The following IFT74 variants were observed in gnomAD, a reference collection of about 807,000 sequenced individuals.
IFT74 encodes the protein intraflagellar transport protein 74 homolog.
IFT74 carries 92 observed loss-of-function variants against 96.7 expected under a neutral mutation model. That is an observed-to-expected ratio of 0.95 (90% CI 0.80 to 1.13). The LOEUF is 1.13. Among genes scored for constraint, IFT74 ranks in the 50% most tolerant of loss-of-function variants. IFT74 has a pLI of 0.00. For synonymous variants in IFT74, 223 were observed against 213.2 expected, an observed-to-expected ratio of 1.05 and a Z score of -0.40; for missense variants, 811 against 698.2, an observed-to-expected ratio of 1.16 and a Z score of -1.82.
intron 19 of IFT74, among the ~76,000 whole-genome samples, chr9:27,061,144 GGTGTGTGTGTGT>G (rs34615635): frequency 1.3e-5 from 2 of 149,878 alleles, no homozygotes; most frequent in Admixed American, 6.6e-5. Context: ...GTAGTTAAGA[GGTGTGTGTGTGT>G]GTGTGTGTGT....
intron 6 of IFT74, 152 bp downstream of exon 6, chr9:26,984,711 C>T: frequency 1.6e-6 from 1 of 608,142 alleles, no homozygotes; most frequent in Middle Eastern, 4.5e-4. Flanking sequence ...AGAAGCTCAT[C>T]ATCACTGATG....
chr9:27,046,067 T>C (rs917774381), intron 14 of IFT74, among the ~76,000 whole-genome samples: 6 of 152,202 alleles, frequency 3.9e-5, no homozygotes, highest in Admixed American at 1.3e-4. Context: ...AGCTCAGATT[T>C]CTTTCCACAT....
At chr9:27,047,414 C>G (rs76349155) in intron 15 of IFT74, 43 bp downstream of exon 15, 2 of 1,217,484 alleles carry the variant, frequency 1.6e-6, no homozygotes, top group South Asian at 1.4e-5. Context: ...TTATTTTTGC[C>G]GTGATTAACT....
intron 7 of IFT74, 71 bp downstream of exon 7, chr9:26,988,799 A>G (rs1827747307): frequency 7.6e-7 from 1 of 1,307,460 alleles, no homozygotes; most frequent in African/African-American, 1.5e-5. Context: ...TTATATCTAG[A>G]AATAGTTTGA....
intron 8 of IFT74, among the ~76,000 whole-genome samples, chr9:26,992,869 G>C (rs972699282): frequency 6.6e-6 from 1 of 152,104 alleles, no homozygotes; most frequent in African/African-American, 2.4e-5. Flanking sequence ...GGTGTAAAAA[G>C]CTTCTGTTTT....
rs1490335201 is a variant in IFT74, at chr9:27,063,947, A to G, written c.*1211A>G. Among the ~76,000 whole-genome samples, 1 of 152,136 alleles carries G rather than the reference A, an allele frequency of 6.6e-6. No individual in the cohort carries two copies. The highest frequency in any genetic ancestry group is 6.5e-5 in the Admixed American group (1 of 15,272). ...CCATAAATCCTGAGCATCTTGAGTT[A>G]TTAATAGTGTTATGCCTCCAAAGGA... On this transcript the variant is annotated 3_prime_UTR_variant, in exon 20 of 20. Transcript: ENST00000380062.
rs549309653 is a variant in IFT74 at position 27,025,533 on chromosome 9, T to C, written c.975-3492T>C. Among the ~76,000 whole-genome samples, 34 of 151,140 alleles carry C rather than the reference T, an allele frequency of 2.2e-4. No homozygotes were observed. In the South Asian group the frequency reaches 6.7e-3, roughly 30 times the overall value. Reference sequence around the variant, plus strand: ...TCACAAAAAGATCATCACTTAGGCATAGTCATAAGATTATCTAAAGTCAAG... The same window carrying C: ...TCACAAAAAGATCATCACTTAGGCACAGTCATAAGATTATCTAAAGTCAAG... On this transcript the variant is annotated intron_variant, in intron 12 of 19. Coordinates refer to ENST00000380062, the MANE Select transcript of IFT74 (RefSeq NM_025103.4).
In IFT74 at chr9:27,011,962, G is replaced by C. The variant is rs2131607477; in HGVS notation, c.783G>C (p.Leu261=). 6.3e-7 allele frequency: 1 copy of C among 1,580,098 alleles called. No individual in the cohort carries two copies. The highest frequency in any genetic ancestry group is 8.6e-7 in the Non-Finnish European group (1 of 1,163,298). ...LDSQNMKKES[L]EAEIAHSQVK... The stretch of plus-strand genomic sequence containing the variant: ...CACAGAACATGAAAAAAGAGAGCCT[G>C]GAAGCAGTAAGTATAAAATCAAATA... The change falls in exon 10 of 20, where the codon CTG becomes CTC. Residue 261 remains leucine (L), a synonymous_variant. Transcript: ENST00000380062.
intron 14 of IFT74, 51 bp from the exon 15 acceptor site, chr9:27,047,223 A>G (rs759027067): frequency 9.4e-7 from 1 of 1,063,988 alleles, no homozygotes; most frequent in Non-Finnish European, 1.4e-6. Context: ...CAGAGTTTAT[A>G]TAGTGTTAAC....
rs1438555868 is a variant in IFT74 at position 27,047,351 on chromosome 9, C to T, written c.1186C>T (p.Leu396Phe). The change falls in exon 15 of 20, where the codon CTC becomes TTC. Residue 396 changes from leucine (L) to phenylalanine (F), a missense_variant. Transcript: ENST00000380062. ...ACAGATAGAAGCCAACATTGTTGCA[C>T]TCTTGGAGCACTGCAGTCGAGTGAG... ...KAQIEANIVALLEHCSRNINR... is the reference protein window; with the variant it reads ...KAQIEANIVAFLEHCSRNINR... 6.2e-7 allele frequency: 1 copy of T among 1,611,276 alleles called. No homozygotes were observed. The highest frequency in any genetic ancestry group is 8.5e-7 in the Non-Finnish European group (1 of 1,177,674).
At position 26,984,452 on chromosome 9, in the gene IFT74, A is replaced by T. The variant is rs777552833; in HGVS notation, c.405-47A>T. The T allele has an allele frequency of 1.9e-6, 3 of 1,587,594 alleles. No individual in the cohort carries two copies. In the South Asian group the frequency reaches 3.4e-5, roughly 18 times the overall value. ...GTTTGTAATGTTCATTTTCTTATGT[A>T]TATTTTTATGTACATATTTATGAAT... On this transcript the variant is annotated intron_variant, in intron 5 of 19. Transcript: ENST00000380062.
Position 26,998,185 on chromosome 9 carries a change from C to A in IFT74, c.587+7990C>A, listed in dbSNP as rs146672014. ...TGAGATCAAGTATAGTAACATCTTT[C>A]TTGATATCTGCTGGAATCAAGGTAT... is the stretch of plus-strand genomic sequence containing the variant. On this transcript the variant is annotated intron_variant, in intron 8 of 19. Coordinates refer to ENST00000380062, the MANE Select transcript of IFT74 (RefSeq NM_025103.4). 2.9e-4 allele frequency: 451 copies of A among 1,569,456 alleles called. No individual in the cohort carries two copies. The highest frequency in any genetic ancestry group is 3.7e-4 in the Non-Finnish European group (430 of 1,154,262).
chr9:27,000,689 C>T lies in IFT74; in HGVS notation c.588-8331C>T, dbSNP rs566591436. 4.6e-5 allele frequency among the ~76,000 whole-genome samples: 7 copies of T among 152,180 alleles called. No homozygotes were observed. The East Asian group carries it at 5.8e-4, about 13-fold the overall frequency. On this transcript the variant is annotated intron_variant, in intron 8 of 19. Coordinates refer to ENST00000380062, the MANE Select transcript of IFT74 (RefSeq NM_025103.4). ...GTTTTTAAATGTACAGTAAATTAGACGAGAGGGAGAGCATCAGAAAATAGC... is the reference window on the plus strand; with the variant it reads ...GTTTTTAAATGTACAGTAAATTAGATGAGAGGGAGAGCATCAGAAAATAGC...
chr9:26,982,323 A>T (rs1323715465), intron 4 of IFT74: 5 of 431,822 alleles, frequency 1.2e-5, no homozygotes, highest in African/African-American at 1.0e-4. Context: ...GAGTGCAATG[A>T]TGGGATCTCA....
chr9:26,997,679 G>A, intron 8 of IFT74: 4 of 1,524,784 alleles, frequency 2.6e-6, no homozygotes, highest in Middle Eastern at 2.2e-4. Context: ...TTCTGTGGTG[G>A]AACATTGAGT....
chr9:26,982,829 T>A (rs544193807), intron 4 of IFT74, among the ~76,000 whole-genome samples: 134 of 152,204 alleles, frequency 8.8e-4, no homozygotes, highest in African/African-American at 3.1e-3. Context: ...TGACCTCAGG[T>A]AATGCACCTG....
chr9:27,021,197 A>T (rs1413994228), intron 12 of IFT74, among the ~76,000 whole-genome samples: 2 of 152,158 alleles, frequency 1.3e-5, no homozygotes, highest in African/African-American at 4.8e-5. Flanking sequence ...ATACGCACAC[A>T]CACATACATA....
chr9:27,052,307 C>T (rs143915772), intron 16 of IFT74, among the ~76,000 whole-genome samples: 1 of 152,014 alleles, frequency 6.6e-6, no homozygotes, highest in Non-Finnish European at 1.5e-5. Flanking sequence ...GTCACGAGTT[C>T]AAGAGCTGCC....
chr9:26,967,797 C>A (rs1457503562), intron 2 of IFT74, among the ~76,000 whole-genome samples: 1 of 152,034 alleles, frequency 6.6e-6, no homozygotes, highest in African/African-American at 2.4e-5. Context: ...GGATTTTGAT[C>A]ATCAGGAGAT....
Sources: allele counts gnomAD v4.1 joint callset (sites outside exome capture counted in the v4.1 genomes callset), GRCh38; gene constraint gnomAD v4.1.1; transcripts MANE v1.5; gene names NCBI Gene and HGNC (gene_info 2026-07-23, HGNC 2026-07-21).